The following SMAP1 variants were observed in gnomAD, a reference collection of about 807,000 sequenced individuals.
SMAP1 encodes stromal membrane-associated protein 1.
A neutral mutation model predicts 58.5 loss-of-function variants in SMAP1; 24 were observed. The ratio of observed to expected loss-of-function variants is 0.41; its 90% confidence interval spans 0.30 to 0.58. The LOEUF (loss-of-function observed/expected upper bound fraction) is 0.58. SMAP1 is among the 20% of genes least tolerant of loss of function. The probability of loss-of-function intolerance (pLI) is 0.29; values close to 1 mark genes in which losing one functional copy is unlikely to be tolerated. For missense variants in SMAP1, 563 were observed against 566.3 expected (o/e 0.99, Z 0.06); for synonymous variants, 216 against 196.6 (o/e 1.10, Z -0.82).
chr6:70,758,134 T>TG (rs1490322992), intron 3 of SMAP1, among the ~76,000 whole-genome samples: 1 of 150,358 alleles, frequency 6.7e-6, no homozygotes, highest in African/African-American at 2.4e-5. Context: ...TGTCCAACAA[T>TG]GATAGACTGG....
chr6:70,788,598 A>G (rs1240247034), intron 4 of SMAP1, among the ~76,000 whole-genome samples: 2 of 152,214 alleles, frequency 1.3e-5, no homozygotes, highest in Non-Finnish European at 2.9e-5. Flanking sequence ...AAGGATGAGT[A>G]GGAACTAATA....
chr6:70,785,260 A>G (rs1184563302), intron 4 of SMAP1, among the ~76,000 whole-genome samples: 2 of 152,216 alleles, frequency 1.3e-5, no homozygotes, highest in Non-Finnish European at 2.9e-5. Context: ...ACCAACGAGA[A>G]CAAAGACACA....
At chr6:70,764,584 G>T (rs1766882797) in intron 3 of SMAP1, among the ~76,000 whole-genome samples, 1 of 152,206 alleles carries the variant, frequency 6.6e-6, no homozygotes, top group South Asian at 2.1e-4. Context: ...CTGGGTGACA[G>T]CACATCTGTT....
chr6:70,746,015 A>C (rs987169764), intron 2 of SMAP1, among the ~76,000 whole-genome samples: 1 of 152,102 alleles, frequency 6.6e-6, no homozygotes, highest in Middle Eastern at 3.2e-3. Flanking sequence ...ATTTTTGCAC[A>C]TGATTTTGTA....
intron 6 of SMAP1, among the ~76,000 whole-genome samples, chr6:70,806,960 G>A (rs932257907): frequency 1.3e-5 from 2 of 152,114 alleles, no homozygotes; most frequent in Non-Finnish European, 2.9e-5. Flanking sequence ...TTGTGTGTGT[G>A]TATTTCTATT....
At chr6:70,709,826 T>A (rs534192440) in intron 1 of SMAP1, among the ~76,000 whole-genome samples, 12 of 152,330 alleles carry the variant, frequency 7.9e-5, no homozygotes, top group African/African-American at 2.6e-4. Context: ...TTCTTCCAAT[T>A]CATGAACACA....
intron 6 of SMAP1, among the ~76,000 whole-genome samples, chr6:70,806,801 A>G (rs1304956870): frequency 6.6e-6 from 1 of 152,238 alleles, no homozygotes; most frequent in Non-Finnish European, 1.5e-5. Flanking sequence ...GGAAGGAACC[A>G]TGCTTATCTC....
intron 1 of SMAP1, among the ~76,000 whole-genome samples, chr6:70,687,574 T>C (rs778099539): frequency 9.9e-5 from 15 of 152,126 alleles, no homozygotes; most frequent in South Asian, 2.1e-4. Context: ...CTTTACTCTT[T>C]TGGTGCATGT....
Position 70,668,045 on chromosome 6 carries a change from G to C in SMAP1, c.22G>C (p.Glu8Gln). The change falls in exon 1 of 11, where the codon GAG becomes CAG. Residue 8 changes from glutamate (E) to glutamine (Q), a missense_variant. Transcript: ENST00000370455. The stretch of plus-strand genomic sequence containing the variant: ...CGAGATGGCGACGCGCTCCTGTCGG[G>C]AGAAGGCTCAGAAGCTGAACGAGCA... MATRSCR[E>Q]KAQKLNEQHQ... 1 of 1,602,912 alleles carries C rather than the reference G, an allele frequency of 6.2e-7. No homozygotes were observed. The highest frequency in any genetic ancestry group is 1.1e-5 in the South Asian group (1 of 89,896).
chr6:70,805,395 A>G (rs1769077550), intron 6 of SMAP1, among the ~76,000 whole-genome samples: 1 of 152,168 alleles, frequency 6.6e-6, no homozygotes, highest in African/African-American at 2.4e-5. Context: ...CTAGTTAGCC[A>G]TTCGTCTAAC....
intron 10 of SMAP1, 150 bp from the exon 11 acceptor site, chr6:70,860,050 T>G (rs892144713): frequency 3.5e-5 from 29 of 825,682 alleles, no homozygotes; most frequent in Non-Finnish European, 4.4e-5. Context: ...AGCTATTTGC[T>G]TTAAGAAATA....
chr6:70,803,911 T>G (rs1005136110), intron 6 of SMAP1, among the ~76,000 whole-genome samples: 1 of 152,162 alleles, frequency 6.6e-6, no homozygotes, highest in African/African-American at 2.4e-5. Flanking sequence ...TTACTTCCAA[T>G]TATGTGTCAA....
intron 6 of SMAP1, among the ~76,000 whole-genome samples, chr6:70,822,041 T>C (rs912755925): frequency 1.3e-5 from 2 of 152,210 alleles, no homozygotes; most frequent in African/African-American, 2.4e-5. Flanking sequence ...AAAGAAAGGC[T>C]TTTGTTCACT....
At chr6:70,686,916 G>T (rs745323607) in intron 1 of SMAP1, among the ~76,000 whole-genome samples, 12 of 152,168 alleles carry the variant, frequency 7.9e-5, no homozygotes, top group Non-Finnish European at 1.6e-4. Flanking sequence ...TGCCCAAAAT[G>T]CCAGTAGTGC....
chr6:70,758,229 A>G (rs1766591383), intron 3 of SMAP1, among the ~76,000 whole-genome samples: 2 of 151,896 alleles, frequency 1.3e-5, no homozygotes, highest in African/African-American at 4.8e-5. Context: ...AGGGACATGG[A>G]TGAAATTGGA....
chr6:70,815,814 G>A (rs1251261471), intron 6 of SMAP1, among the ~76,000 whole-genome samples: 1 of 152,046 alleles, frequency 6.6e-6, no homozygotes, highest in East Asian at 1.9e-4. Context: ...ATTTGTGTAT[G>A]TTTGTGTATT....
intron 1 of SMAP1, among the ~76,000 whole-genome samples, chr6:70,675,224 T>TTTTA (rs1554187893): frequency 1.9e-5 from 2 of 107,418 alleles, no homozygotes; most frequent in Non-Finnish European, 3.6e-5. Flanking sequence ...TTTTTTTTTT[T>TTTTA]ACCAGAGATG....
At chr6:70,698,054 T>A (rs1767484489) in intron 1 of SMAP1, among the ~76,000 whole-genome samples, 2 of 152,236 alleles carry the variant, frequency 1.3e-5, no homozygotes, top group East Asian at 1.9e-4. Flanking sequence ...TCTTTCAGAT[T>A]GAAGAACTTC....
rs930026269 is a variant in SMAP1 at position 70,856,777 on chromosome 6, T to TAAC, written c.790-81_790-79dup. The TAAC allele has an allele frequency of 3.6e-6, 5 of 1,375,566 alleles. No homozygotes were observed. In the African/African-American group the frequency reaches 7.3e-5, roughly 20 times the overall value. 85.2% of individuals were successfully genotyped at this position (1,375,566 alleles called of 1,614,324 possible). On this transcript the variant is annotated intron_variant, in intron 8 of 10. Coordinates refer to ENST00000370455, the MANE Select transcript of SMAP1 (RefSeq NM_001044305.3). ...ATTGTTTGATTCCTATCTAATTTTA[T>TAAC]AACTTTATTTGGATTTTAAGTAATG...
Sources: allele counts gnomAD v4.1 joint callset (sites outside exome capture counted in the v4.1 genomes callset), GRCh38; gene constraint gnomAD v4.1.1; transcripts MANE v1.5; gene names NCBI Gene and HGNC (gene_info 2026-07-23, HGNC 2026-07-21).